The following R3HDM1 variants were observed in gnomAD, a reference collection of about 807,000 sequenced individuals.
The protein encoded by R3HDM1 is R3H domain-containing protein 1.
In R3HDM1, 46 loss-of-function variants were observed where a neutral mutation model predicts 141.1. That is an observed-to-expected ratio of 0.33 (90% CI 0.26 to 0.42). The LOEUF (loss-of-function observed/expected upper bound fraction) is 0.42. Among genes scored for constraint, R3HDM1 ranks in the 10% least tolerant of loss-of-function variants. The probability of loss-of-function intolerance (pLI) is 1.00; values close to 1 mark genes in which losing one functional copy is unlikely to be tolerated. For synonymous variants in R3HDM1, 435 were observed against 472.9 expected (o/e 0.92, Z 1.04); for missense variants, 1,184 against 1,368.3 (o/e 0.87, Z 2.12).
At position 135,649,963 on chromosome 2, in the gene R3HDM1, C is replaced by T. The variant is rs1416059212; in HGVS notation, c.1685C>T (p.Ser562Phe). Residue 562 changes from serine to phenylalanine, a missense_variant, in exon 17 of 27, where the codon TCC becomes TTC. Transcript: ENST00000683871. ...CAGTACTCTACAGCCCCTTACCCAT[C>T]CCCGTTCCTGCCAGTCTCACCCACC... ...PVQYSTAPYP[S>F]PFLPVSPTQQ... 4 of 1,295,392 alleles carry T rather than the reference C, an allele frequency of 3.1e-6. No individual in the cohort carries two copies. The highest frequency in any genetic ancestry group is 4.1e-6 in the Non-Finnish European group (4 of 984,652). The allele number at this position is 1,295,392 out of a possible 1,614,324, so 80.2% of individuals were successfully genotyped here.
chr2:135,724,278 G>A lies in R3HDM1; in HGVS notation c.3391G>A (p.Ala1131Thr). 1.2e-6 allele frequency: 2 copies of A among 1,610,260 alleles called. No homozygotes were observed. Among genetic ancestry groups the A allele is most frequent in the South Asian group, 1.1e-5 (1 of 90,654 alleles). ...KHYDFHILER[A>T]SSQ is the part of the protein sequence containing the mutation. ...CTATGACTTTCACATTTTGGAAAGG[G>A]CAAGTTCTCAGTAACAGCCACCTTT... Residue 1131 changes from alanine (A) to threonine (T), a missense_variant, in exon 27 of 27, where the codon GCA becomes ACA. Physicochemically the swap from Ala to Thr is moderately conservative, Grantham distance 58. Transcript: ENST00000683871.
chr2:135,554,972 A>T lies in R3HDM1; in HGVS notation c.-250+23339A>T, dbSNP rs151109819. On this transcript the variant is annotated intron_variant, in intron 1 of 26. Coordinates refer to ENST00000683871, the MANE Select transcript of R3HDM1 (RefSeq NM_001378107.1). The stretch of plus-strand genomic sequence containing the variant: ...TAGGCAAACTTCTTTTGTTTTGATG[A>T]CACACACTCCTGCTGTGACATACAG... Among the ~76,000 whole-genome samples the T allele has an allele frequency of 4.2e-3, 647 of 152,286 alleles. 3 individuals carry two copies. Among genetic ancestry groups the T allele is most frequent in the Non-Finnish European group, 6.6e-3 (448 of 68,016 alleles).
intron 20 of R3HDM1, among the ~76,000 whole-genome samples, chr2:135,678,676 C>G (rs570392973): frequency 6.6e-6 from 1 of 151,712 alleles, no homozygotes; most frequent in Admixed American, 6.6e-5. Flanking sequence ...CAATAAGTAC[C>G]CAATAATGTT....
chr2:135,550,479 TAATTTTAGA>T (rs1559104558), intron 1 of R3HDM1, among the ~76,000 whole-genome samples: 1 of 152,226 alleles, frequency 6.6e-6, no homozygotes, highest in Non-Finnish European at 1.5e-5. Flanking sequence ...ACCTATACTG[TAATTTTAGA>T]AAGGGCTTAT....
intron 17 of R3HDM1, chr2:135,651,116 T>A: frequency 1.0e-6 from 1 of 985,410 alleles, no homozygotes; most frequent in Non-Finnish European, 1.2e-6. Flanking sequence ...TGAATTACAT[T>A]TGTCAAATTA....
At chr2:135,693,361 CA>C (rs111362301) in intron 21 of R3HDM1, among the ~76,000 whole-genome samples, 29 of 142,532 alleles carry the variant, frequency 2.0e-4, no homozygotes, top group Non-Finnish European at 1.5e-4. Context: ...TGATAGCCAG[CA>C]AAAAAAAAAG....
intron 1 of R3HDM1, among the ~76,000 whole-genome samples, chr2:135,575,618 A>G (rs1367852972): frequency 1.3e-5 from 2 of 152,244 alleles, no homozygotes; most frequent in African/African-American, 4.8e-5. Context: ...TAAAAAATCA[A>G]TAGACTCATA....
At chr2:135,608,639 C>A (rs138559731) in intron 3 of R3HDM1, among the ~76,000 whole-genome samples, 402 of 152,264 alleles carry the variant, frequency 2.6e-3, no homozygotes, top group African/African-American at 9.0e-3. Flanking sequence ...GTTAACTATT[C>A]TAACATACTA....
chr2:135,604,173 A>T (rs1314823174), intron 2 of R3HDM1, among the ~76,000 whole-genome samples: 1 of 152,132 alleles, frequency 6.6e-6, no homozygotes, highest in East Asian at 1.9e-4. Context: ...GTTAATCCAG[A>T]TTTACAAGTG....
chr2:135,554,929 C>T (rs1700444221), intron 1 of R3HDM1, among the ~76,000 whole-genome samples: 1 of 152,170 alleles, frequency 6.6e-6, no homozygotes, highest in Non-Finnish European at 1.5e-5. Flanking sequence ...TGGTCCATGT[C>T]CATTCTGTCC....
intron 1 of R3HDM1, chr2:135,543,229 C>T (rs1269529115): frequency 2.9e-6 from 1 of 348,088 alleles, no homozygotes; most frequent in African/African-American, 2.2e-5. Flanking sequence ...AAAGACTGTT[C>T]TTTCCCCCAT....
chr2:135,592,593 C>A (rs1039366114), intron 1 of R3HDM1, among the ~76,000 whole-genome samples: 1 of 152,086 alleles, frequency 6.6e-6, no homozygotes. Context: ...TCTTACATGC[C>A]TGTTATCTTA....
intron 7 of R3HDM1, among the ~76,000 whole-genome samples, chr2:135,630,309 C>CCA (rs2062574432): frequency 2.5e-5 from 2 of 79,080 alleles, no homozygotes; most frequent in African/African-American, 9.3e-5. Flanking sequence ...AAAAAAAAAA[C>CCA]AAAAAAAAAA....
rs137859433 is a variant in R3HDM1, at chr2:135,588,610, T to A, written c.-249-13890T>A. On this transcript the variant is annotated intron_variant, in intron 1 of 26. Coordinates refer to ENST00000683871, the MANE Select transcript of R3HDM1 (RefSeq NM_001378107.1). ...CAGTTTTTTAATTTTGAGAAACTTA[T>A]GCTTGAGGTCTTATAAGTGGATTGA... Among the ~76,000 whole-genome samples the A allele has an allele frequency of 2.7e-3, 412 of 152,286 alleles. 5 individuals carry two copies. Among genetic ancestry groups the A allele is most frequent in the South Asian group, 5.0e-3 (24 of 4,826 alleles).
chr2:135,693,819 C>T (rs1156837752), intron 21 of R3HDM1, among the ~76,000 whole-genome samples: 1 of 151,988 alleles, frequency 6.6e-6, no homozygotes, highest in Non-Finnish European at 1.5e-5. Flanking sequence ...ACCAGCCTGG[C>T]CAACATAGCA....
chr2:135,723,645 C>T (rs576015253), intron 26 of R3HDM1, among the ~76,000 whole-genome samples: 349 of 151,116 alleles, frequency 2.3e-3, no homozygotes, highest in African/African-American at 6.2e-3. Context: ...GGCATGGTGG[C>T]GGGCGCTTGT....
At chr2:135,549,056 A>C (rs1699302772) in intron 1 of R3HDM1, among the ~76,000 whole-genome samples, 1 of 152,230 alleles carries the variant, frequency 6.6e-6, no homozygotes, top group Non-Finnish European at 1.5e-5. Flanking sequence ...TTTTTAAAAA[A>C]GTTTTGAACA....
intron 1 of R3HDM1, among the ~76,000 whole-genome samples, chr2:135,585,425 C>T (rs1001796537): frequency 1.3e-5 from 2 of 152,156 alleles, no homozygotes; most frequent in Admixed American, 1.3e-4. Flanking sequence ...TTCTTCACAT[C>T]GTGCAGGTAA....
intron 1 of R3HDM1, among the ~76,000 whole-genome samples, chr2:135,570,646 A>C (rs1255747357): frequency 6.6e-6 from 1 of 152,238 alleles, no homozygotes; most frequent in African/African-American, 2.4e-5. Context: ...GATAAAAATT[A>C]GTTCTCCCAA....
Sources: allele counts gnomAD v4.1 joint callset (sites outside exome capture counted in the v4.1 genomes callset), GRCh38; gene constraint gnomAD v4.1.1; transcripts MANE v1.5; gene names NCBI Gene and HGNC (gene_info 2026-07-23, HGNC 2026-07-21).